The following IQCH variants were observed in gnomAD, a reference collection of about 807,000 sequenced individuals.
IQCH encodes the protein IQ motif containing H.
A neutral mutation model predicts 117.0 loss-of-function variants in IQCH; 98 were observed. The observed-to-expected ratio is 0.84, with a 90% CI of 0.71 to 0.99. The LOEUF is 0.99. Ranked by LOEUF, IQCH falls within the 50% of genes least tolerant of loss-of-function variation. IQCH has a pLI of 0.00. For missense variants in IQCH, 1,102 were observed against 1,243.8 expected (o/e 0.89, Z 1.72); for synonymous variants, 412 against 448.2 (o/e 0.92, Z 1.02).
chr15:67,284,796 T>C (rs1480805410), intron 4 of IQCH, among the ~76,000 whole-genome samples: 1 of 152,196 alleles, frequency 6.6e-6, no homozygotes, highest in East Asian at 1.9e-4. Context: ...TCTCATTCCT[T>C]TTATGGCTGC....
At chr15:67,489,961 A>T (rs749952433) in intron 18 of IQCH, 42 bp from the exon 19 acceptor site, 10 of 1,331,624 alleles carry the variant, frequency 7.5e-6, no homozygotes, top group Non-Finnish European at 9.7e-6. Flanking sequence ...TTTGTTTCTG[A>T]GATAATATAC....
intron 18 of IQCH, among the ~76,000 whole-genome samples, chr15:67,480,047 G>A (rs1163776753): frequency 6.6e-6 from 1 of 152,208 alleles, no homozygotes; most frequent in Non-Finnish European, 1.5e-5. Context: ...AAAGCCATAT[G>A]GAGAAAGGCG....
At position 67,384,894 on chromosome 15, in the gene IQCH, G is replaced by T; in HGVS notation, c.1373-42G>T. The T allele has an allele frequency of 1.6e-6, 2 of 1,246,256 alleles. No homozygotes were observed. Among genetic ancestry groups the T allele is most frequent in the South Asian group, 2.4e-5 (2 of 83,044 alleles). The allele number at this position is 1,246,256 out of a possible 1,614,324, so 77.2% of individuals were successfully genotyped here. On this transcript the variant is annotated intron_variant, in intron 10 of 20. Coordinates refer to ENST00000335894, the MANE Select transcript of IQCH (RefSeq NM_001031715.3). This position sits in a 1 kb window ranked among gnomAD's most constrained non-coding sequence, Gnocchi z 4.3. ...TTCTCTTGTGCCATTTTGCTATATC[G>T]ACTTGCTCTTTCTGTGTTTTGACAC...
intron 12 of IQCH, among the ~76,000 whole-genome samples, chr15:67,392,639 T>C (rs966367523): frequency 2.0e-5 from 3 of 152,002 alleles, no homozygotes; most frequent in African/African-American, 7.3e-5. Context: ...TAGCTGGGCA[T>C]GGTGGCATGC....
chr15:67,361,716 T>A (rs1217788736), intron 8 of IQCH, among the ~76,000 whole-genome samples: 4 of 152,226 alleles, frequency 2.6e-5, no homozygotes, highest in Non-Finnish European at 5.9e-5. Flanking sequence ...ATAGCTCAGT[T>A]AACCAAACCC....
chr15:67,360,244 C>A, intron 8 of IQCH: 1 of 276,128 alleles, frequency 3.6e-6, no homozygotes, highest in East Asian at 9.2e-5. Context: ...AAAATAAATG[C>A]GGTTGTCCCC....
chr15:67,483,765 G>A (rs190832702), intron 18 of IQCH, among the ~76,000 whole-genome samples: 1 of 152,230 alleles, frequency 6.6e-6, no homozygotes, highest in East Asian at 1.9e-4. Context: ...CTAGAACAAG[G>A]GTGATCAAAG....
intron 2 of IQCH, among the ~76,000 whole-genome samples, chr15:67,262,693 G>A (rs1021992356): frequency 1.3e-5 from 2 of 152,016 alleles, no homozygotes; most frequent in African/African-American, 4.8e-5. Context: ...ATACAGGCTG[G>A]GCAATATAGG....
chr15:67,283,003 GA>G (rs1372964580), intron 4 of IQCH, among the ~76,000 whole-genome samples: 3 of 152,024 alleles, frequency 2.0e-5, no homozygotes, highest in Non-Finnish European at 2.9e-5. Context: ...GAAAAAAATA[GA>G]ATCAGTGATG....
At chr15:67,314,769 A>T (rs1468747783) in intron 4 of IQCH, among the ~76,000 whole-genome samples, 3 of 152,220 alleles carry the variant, frequency 2.0e-5, no homozygotes, top group Non-Finnish European at 4.4e-5. Flanking sequence ...CTGGGTTTCC[A>T]AAAGAAGCTG....
chr15:67,398,250 G>C (rs1009558622), intron 13 of IQCH, among the ~76,000 whole-genome samples: 1 of 152,100 alleles, frequency 6.6e-6, no homozygotes, highest in Non-Finnish European at 1.5e-5. Flanking sequence ...AATTTTATCT[G>C]ATGTTAACAG....
At chr15:67,307,229 G>A in intron 4 of IQCH, 1 of 766,620 alleles carries the variant, frequency 1.3e-6, no homozygotes, top group Non-Finnish European at 1.6e-6. Flanking sequence ...TGTAAACTTA[G>A]AATCTTTTAT....
Position 67,366,921 on chromosome 15 carries a change from T to G in IQCH, c.754-5190T>G, listed in dbSNP as rs1028085649. Among the ~76,000 whole-genome samples the G allele has an allele frequency of 6.6e-6, 1 of 152,210 alleles. No homozygotes were observed. The highest frequency in any genetic ancestry group is 6.5e-5 in the Admixed American group (1 of 15,276). Reference sequence around the variant, plus strand: ...ACGAAAAAAATCCCCCAGGTTTTTTTCATGGTGCATAAAGTGATGCCATTG... The same window carrying G: ...ACGAAAAAAATCCCCCAGGTTTTTTGCATGGTGCATAAAGTGATGCCATTG... On this transcript the variant is annotated intron_variant, in intron 8 of 20. Transcript: ENST00000335894. This position sits in a 1 kb window ranked among gnomAD's most constrained non-coding sequence, Gnocchi z 4.4.
At chr15:67,320,475 GTACTT>G (rs942616052) in intron 4 of IQCH, among the ~76,000 whole-genome samples, 1 of 147,076 alleles carries the variant, frequency 6.8e-6, no homozygotes, top group African/African-American at 2.4e-5. Context: ...GAAATGGACA[GTACTT>G]TATTCTCTAG....
intron 10 of IQCH, among the ~76,000 whole-genome samples, chr15:67,374,834 A>T (rs1970682907): frequency 6.6e-6 from 1 of 152,214 alleles, no homozygotes; most frequent in Admixed American, 6.5e-5. Context: ...TCATTAGTTG[A>T]CTTGAGTCCT....
chr15:67,361,881 C>A (rs1272175109), intron 8 of IQCH, among the ~76,000 whole-genome samples: 2 of 152,026 alleles, frequency 1.3e-5, no homozygotes, highest in African/African-American at 4.8e-5. Context: ...GTTAAAATTG[C>A]CTGTCAGGAA....
intron 4 of IQCH, among the ~76,000 whole-genome samples, chr15:67,319,278 A>G (rs1395652016): frequency 6.6e-6 from 1 of 152,094 alleles, no homozygotes; most frequent in Non-Finnish European, 1.5e-5. Flanking sequence ...ACCTCATATA[A>G]TATTGACAAT....
chr15:67,285,925 T>C (rs1469000016), intron 4 of IQCH, among the ~76,000 whole-genome samples: 1 of 152,174 alleles, frequency 6.6e-6, no homozygotes, highest in Non-Finnish European at 1.5e-5. Flanking sequence ...TCTGGCTCTT[T>C]TGTGGCTCCA....
At chr15:67,339,738 A>G (rs559210608) in intron 5 of IQCH, among the ~76,000 whole-genome samples, 10 of 152,306 alleles carry the variant, frequency 6.6e-5, no homozygotes, top group Admixed American at 6.5e-4. Context: ...CCAAAAATTC[A>G]CAGAATAAGG....
Sources: gnomAD v4.1 joint callset for allele counts (sites outside exome capture counted in the v4.1 genomes callset) on GRCh38, gnomAD v4.1.1 for gene constraint, Gnocchi (gnomAD v3.1) non-coding constraint, MANE v1.5 for transcripts, NCBI Gene and HGNC (gene_info 2026-07-23, HGNC 2026-07-21) for gene names.